The following PCGF5 variants were observed in gnomAD, a reference collection of about 807,000 sequenced individuals.
The protein encoded by PCGF5 is polycomb group ring finger 5.
PCGF5 carries 9 observed loss-of-function variants against 44.3 expected under a neutral mutation model. The ratio of observed to expected loss-of-function variants is 0.20; its 90% CI spans 0.12 to 0.35. The LOEUF (loss-of-function observed/expected upper bound fraction) is 0.35. Among genes scored for constraint, PCGF5 ranks in the 10% least tolerant of loss-of-function variants. The pLI is 1.00. For synonymous variants in PCGF5, 95 were observed against 102.5 expected, an observed-to-expected ratio of 0.93 and a Z score of 0.44; for missense variants, 146 against 305.3, an observed-to-expected ratio of 0.48 and a Z score of 3.89.
chr10:91,157,082 T>C, the PCGF5 span, among the ~76,000 whole-genome samples: 1 of 152,324 alleles, frequency 6.6e-6, no homozygotes, highest in East Asian at 1.9e-4. Context: ...ATGGTATCCA[T>C]GTTATAGGGT....
At chr10:91,206,906 T>A (rs1470722748) in intron 1 of PCGF5, among the ~76,000 whole-genome samples, 3 of 152,214 alleles carry the variant, frequency 2.0e-5, no homozygotes, top group Non-Finnish European at 4.4e-5. Flanking sequence ...CTATTTTAAA[T>A]AGCACTGCCC....
intron 2 of PCGF5, among the ~76,000 whole-genome samples, chr10:91,226,311 A>AT (rs1357629826): frequency 2.6e-5 from 4 of 151,294 alleles, no homozygotes; most frequent in Admixed American, 2.6e-4. Context: ...AAAAAAAAAA[A>AT]AAATGCTGTT....
At chr10:91,211,208 T>C (rs1844445207) in intron 1 of PCGF5, among the ~76,000 whole-genome samples, 1 of 152,256 alleles carries the variant, frequency 6.6e-6, no homozygotes, top group Admixed American at 6.5e-5. Context: ...TGGCTGTTTA[T>C]GCACATGTAT....
At chr10:91,176,851 A>G (rs1014054830) in intron 1 of PCGF5, among the ~76,000 whole-genome samples, 21 of 152,200 alleles carry the variant, frequency 1.4e-4, no homozygotes, top group Admixed American at 8.5e-4. Context: ...ATAGGTTTGA[A>G]CTTCCTCCTT....
chr10:91,179,417 G>C (rs1466947204), intron 1 of PCGF5, among the ~76,000 whole-genome samples: 1 of 152,052 alleles, frequency 6.6e-6, no homozygotes, highest in East Asian at 1.9e-4. Context: ...TGTGTCGTGG[G>C]GTTTGTTGTA....
At chr10:91,217,817 G>A (rs1046492353), upstream of PCGF5, among the ~76,000 whole-genome samples, 2 of 152,046 alleles carry the variant, frequency 1.3e-5, no homozygotes, top group Non-Finnish European at 2.9e-5. Flanking sequence ...ACATAGTCTC[G>A]CTCTTGTGCC....
upstream of PCGF5, among the ~76,000 whole-genome samples, chr10:91,219,182 G>A (rs974820775): frequency 6.6e-6 from 1 of 152,012 alleles, no homozygotes; most frequent in Admixed American, 6.6e-5. Flanking sequence ...TCATCCTCAG[G>A]TACTGCTGTA....
At chr10:91,177,385 T>C (rs2133182643) in intron 1 of PCGF5, among the ~76,000 whole-genome samples, 1 of 152,336 alleles carries the variant, frequency 6.6e-6, no homozygotes, top group East Asian at 1.9e-4. Context: ...TCTGTCCATT[T>C]TCAGATCTGA....
chr10:91,278,598 C>T lies in PCGF5; in HGVS notation c.*282C>T. 5.3e-6 allele frequency: 2 copies of T among 377,954 alleles called. No individual in the cohort carries two copies. Among genetic ancestry groups the T allele is most frequent in the Non-Finnish European group, 9.5e-6 (2 of 210,194 alleles). 23.4% of individuals were successfully genotyped at this position (377,954 alleles called of 1,614,324 possible). ...AGTTAGCTGTGCCGCCATGATTCAC[C>T]CTTCTGAATATTTTGCTTGCCTGTT... On this transcript the variant is annotated 3_prime_UTR_variant, in exon 10 of 10. Transcript: ENST00000336126.
chr10:91,173,641 G>A (rs1175300652), intron 1 of PCGF5, among the ~76,000 whole-genome samples: 1 of 138,518 alleles, frequency 7.2e-6, no homozygotes, highest in African/African-American at 2.7e-5. Context: ...ATAAGTTTTG[G>A]CAAGTCCAAA....
chr10:91,208,465 C>G (rs962096971), intron 1 of PCGF5, among the ~76,000 whole-genome samples: 10 of 152,156 alleles, frequency 6.6e-5, no homozygotes, highest in Admixed American at 3.3e-4. Flanking sequence ...GGCCCAGATT[C>G]TGCATTCCTA....
chr10:91,159,144 G>T (rs1843350893), upstream of PCGF5, among the ~76,000 whole-genome samples: 1 of 152,174 alleles, frequency 6.6e-6, no homozygotes, highest in African/African-American at 2.4e-5. Context: ...AGCATCATAA[G>T]ACATAGCTTC....
At chr10:91,237,611 A>G (rs1029265609) in intron 2 of PCGF5, among the ~76,000 whole-genome samples, 1 of 152,032 alleles carries the variant, frequency 6.6e-6, no homozygotes, top group Non-Finnish European at 1.5e-5. Context: ...AGGCATGGTG[A>G]TGGGCACCTG....
intron 1 of PCGF5, among the ~76,000 whole-genome samples, chr10:91,200,120 C>G (rs1264916423): frequency 1.3e-5 from 2 of 152,204 alleles, no homozygotes; most frequent in African/African-American, 4.8e-5. Context: ...ATGCTAACTT[C>G]CCTGCATTTT....
rs1189478510 is a variant in PCGF5 at position 91,246,711 on chromosome 10, AAG to A, written c.210-1788_210-1787del. Reference sequence around the variant, plus strand: ...GTGAGTAAATGTGTAAATGAAGGGAAAGAGAGAAGTTAAGATCATTCTCATAT... The same window carrying A: ...GTGAGTAAATGTGTAAATGAAGGGAAAGAGAAGTTAAGATCATTCTCATAT... On this transcript the variant is annotated intron_variant, in intron 3 of 9. Coordinates refer to ENST00000336126, the MANE Select transcript of PCGF5 (RefSeq NM_032373.5). 1.4e-4 allele frequency among the ~76,000 whole-genome samples: 21 copies of A among 152,220 alleles called. 1 individual carries two copies. Among genetic ancestry groups the A allele is most frequent in the East Asian group, 1.4e-3 (7 of 5,176 alleles).
rs751024678 is a variant in PCGF5 at position 91,279,601 on chromosome 10, T to C, written c.*1285T>C. 4.6e-5 allele frequency: 7 copies of C among 152,272 alleles called. No homozygotes were observed. Among genetic ancestry groups the C allele is most frequent in the Non-Finnish European group, 8.8e-5 (6 of 67,966 alleles). The allele number at this position is 152,272 out of a possible 1,614,324, so 9.4% of individuals were successfully genotyped here. A position where few individuals can be genotyped will look rare whatever the true frequency, so the allele number is the denominator to read the frequency against. ...AAGAAAGTCTTGTTACCTTAAATTA[T>C]ATGAAAACTGTCATTTTAAATCTTT... On this transcript the variant is annotated 3_prime_UTR_variant, in exon 10 of 10. Coordinates refer to ENST00000336126, the MANE Select transcript of PCGF5 (RefSeq NM_032373.5).
chr10:91,271,754 A>G, intron 9 of PCGF5, 57 bp downstream of exon 9: 2 of 1,407,296 alleles, frequency 1.4e-6, no homozygotes, highest in Non-Finnish European at 2.0e-6. Flanking sequence ...CGGTGAGCAC[A>G]TTCATCCCAA....
intron 1 of PCGF5, among the ~76,000 whole-genome samples, chr10:91,176,941 G>T (rs1271958450): frequency 1.3e-5 from 2 of 152,192 alleles, no homozygotes; most frequent in Non-Finnish European, 2.9e-5. Context: ...TTGTTCCGTT[G>T]CTGATGAGGA....
intron 2 of PCGF5, chr10:91,227,945 C>T (rs1844893318): frequency 4.1e-6 from 4 of 969,550 alleles, no homozygotes; most frequent in African/African-American, 1.8e-5. Context: ...TGAATAAATG[C>T]ATGGCTAATA....
Sources: gnomAD v4.1 joint callset for allele counts (sites outside exome capture counted in the v4.1 genomes callset) on GRCh38, gnomAD v4.1.1 for gene constraint, MANE v1.5 for transcripts, NCBI Gene and HGNC (gene_info 2026-07-23, HGNC 2026-07-21) for gene names.